Variants in MTFMT observed in about 807,000 individuals in gnomAD.
MTFMT encodes mitochondrial methionyl-tRNA formyltransferase, also known as methionyl-tRNA formyltransferase, mitochondrial.
In MTFMT, 47 loss-of-function variants were observed where a neutral mutation model predicts 51.8. The ratio of observed to expected loss-of-function variants is 0.91; its 90% CI spans 0.72 to 1.16. The LOEUF (loss-of-function observed/expected upper bound fraction) is 1.16. Ranked by LOEUF, MTFMT falls within the 50% of genes most tolerant of loss-of-function variation. MTFMT has a pLI of 0.00. For missense variants in MTFMT, 512 were observed against 482.3 expected (o/e 1.06, Z -0.58); for synonymous variants, 196 against 176.7 (o/e 1.11, Z -0.87).
intron 3 of MTFMT, among the ~76,000 whole-genome samples, chr15:65,022,291 A>G (rs1464644773): frequency 2.0e-5 from 3 of 152,042 alleles, no homozygotes; most frequent in Non-Finnish European, 4.4e-5. Flanking sequence ...ATCTCTACTA[A>G]AAATACAAAA....
At position 65,023,795 on chromosome 15, in the gene MTFMT, C is replaced by A. The variant is rs1210482568; in HGVS notation, c.420-1G>T. ...ACTGGGATGAACATTCAATATGCCA[C>A]TGAGTTAGAAAATGTAGAAATTAGT... On this transcript the variant is annotated splice_acceptor_variant, in intron 2 of 8. Coordinates refer to ENST00000220058, the MANE Select transcript of MTFMT (RefSeq NM_139242.4). LOFTEE classifies it high-confidence loss of function. 6.2e-7 allele frequency: 1 copy of A among 1,610,138 alleles called. No homozygotes were observed. The highest frequency in any genetic ancestry group is 8.5e-7 in the Non-Finnish European group (1 of 1,177,732).
Position 65,016,643 on chromosome 15 carries a change from T to A in MTFMT, c.722-116A>T, listed in dbSNP as rs12912782. ...TTCATTCTAACCTCTCAACTTTTCT[T>A]TATGTTCAAAATTTTCCATATATCA... On this transcript the variant is annotated intron_variant, in intron 5 of 8. Coordinates refer to ENST00000220058, the MANE Select transcript of MTFMT (RefSeq NM_139242.4). 234,532 of 512,158 alleles carry A rather than the reference T, an allele frequency of 0.46. 57,228 individuals carry two copies. Among genetic ancestry groups the A allele is most frequent in the South Asian group, 0.65 (14,440 of 22,204 alleles). 31.7% of individuals were successfully genotyped at this position (512,158 alleles called of 1,614,324 possible).
chr15:65,027,645 T>C (rs2086437474), intron 1 of MTFMT, among the ~76,000 whole-genome samples: 1 of 152,246 alleles, frequency 6.6e-6, no homozygotes, highest in Admixed American at 6.5e-5. Context: ...AACTGGGATA[T>C]TACATACTGC....
At position 65,002,038 on chromosome 15, in the gene MTFMT, C is replaced by G. The variant is rs72744620; in HGVS notation, c.*1024G>C. ...TTATAGGAAATAAAAAATGCAGATT[C>G]AATACTCCTAAAATGTCAGTGGTGA... On this transcript the variant is annotated 3_prime_UTR_variant, in exon 9 of 9. Transcript: ENST00000220058. 1 of 151,972 alleles carries G rather than the reference C, an allele frequency of 6.6e-6. No individual in the cohort carries two copies. Among genetic ancestry groups the G allele is most frequent in the Non-Finnish European group, 1.5e-5 (1 of 68,014 alleles). The allele number at this position is 151,972 out of a possible 1,614,324, so 9.4% of individuals were successfully genotyped here.
At chr15:65,026,582 T>C (rs2086426300) in intron 2 of MTFMT, 2 of 436,834 alleles carry the variant, frequency 4.6e-6, no homozygotes, top group Admixed American at 3.8e-5. Context: ...CCTATTGTGT[T>C]CCAGACTGTG....
chr15:65,025,790 T>C (rs776864969), intron 2 of MTFMT, among the ~76,000 whole-genome samples: 1 of 152,082 alleles, frequency 6.6e-6, no homozygotes, highest in Non-Finnish European at 1.5e-5. Flanking sequence ...GGACTAGAGT[T>C]TGGGGACCGA....
At chr15:65,027,157 T>C (rs2086432520) in intron 1 of MTFMT, 117 bp from the exon 2 acceptor site, 1 of 734,472 alleles carries the variant, frequency 1.4e-6, no homozygotes, top group Non-Finnish European at 2.3e-6. Flanking sequence ...TAGGGCTAAA[T>C]GATTAAAACT....
Position 65,003,226 on chromosome 15 carries a change from G to C in MTFMT, c.1006C>G (p.Leu336Val). Reference protein sequence around the residue: ...DGWIGVRSVMLKKSLTATDFY... With the variant: ...DGWIGVRSVMVKKSLTATDFY... ...TCAGTAGCTGTTAGTGATTTCTTGA[G>C]CATCACTGATCGAACACCAATCCAA... The change falls in exon 9 of 9, where the codon CTC becomes GTC. Residue 336 changes from leucine to valine, a missense_variant. Coordinates refer to ENST00000220058, the MANE Select transcript of MTFMT (RefSeq NM_139242.4). The C allele has an allele frequency of 6.2e-7, 1 of 1,613,366 alleles. No homozygotes were observed. The highest frequency in any genetic ancestry group is 8.5e-7 in the Non-Finnish European group (1 of 1,179,566).
chr15:65,028,988 G>C (rs1195984518), intron 1 of MTFMT, among the ~76,000 whole-genome samples: 1 of 152,162 alleles, frequency 6.6e-6, no homozygotes, highest in Non-Finnish European at 1.5e-5. Flanking sequence ...AGGGAACTTT[G>C]AAGTGGGACC....
At chr15:65,020,644 C>T (rs1207919567) in intron 4 of MTFMT, among the ~76,000 whole-genome samples, 1 of 152,164 alleles carries the variant, frequency 6.6e-6, no homozygotes, top group Non-Finnish European at 1.5e-5. Flanking sequence ...GGGGCCAAGG[C>T]AGTGAAACCT....
At chr15:65,007,668 T>A (rs8035428) in intron 6 of MTFMT, among the ~76,000 whole-genome samples, 2 of 151,998 alleles carry the variant, frequency 1.3e-5, no homozygotes, top group East Asian at 1.9e-4. Flanking sequence ...AATATGATAA[T>A]CTCTTGCTGT....
chr15:65,003,047 C>A lies in MTFMT; in HGVS notation c.*15G>T. The A allele has an allele frequency of 7.1e-7, 1 of 1,406,084 alleles. No individual in the cohort carries two copies. The highest frequency in any genetic ancestry group is 9.4e-7 in the Non-Finnish European group (1 of 1,060,776). The allele number at this position is 1,406,084 out of a possible 1,614,324, so 87.1% of individuals were successfully genotyped here. ...TTACAAATATGTAATAGGTTTTTAT[C>A]CATCTTCTTCCTAACTACTCAATGC... is the stretch of plus-strand genomic sequence containing the variant. On this transcript the variant is annotated 3_prime_UTR_variant, in exon 9 of 9. Coordinates refer to ENST00000220058, the MANE Select transcript of MTFMT (RefSeq NM_139242.4).
rs115188225 is a variant in MTFMT, at chr15:65,014,975, C to T, written c.813+1461G>A. Among the ~76,000 whole-genome samples the T allele has an allele frequency of 2.7e-3, 407 of 151,040 alleles. 3 individuals are homozygous for T. The highest frequency in any genetic ancestry group is 8.4e-3 in the African/African-American group (344 of 41,038). On this transcript the variant is annotated intron_variant, in intron 6 of 8. Coordinates refer to ENST00000220058, the MANE Select transcript of MTFMT (RefSeq NM_139242.4). Reference sequence around the variant, plus strand: ...TTTGCTTACTTGTTGTCTGTCCTCCCACAACACCTGTTTCTATAGTACCTA... The same window carrying T: ...TTTGCTTACTTGTTGTCTGTCCTCCTACAACACCTGTTTCTATAGTACCTA...
chr15:65,021,341 C>A (rs1167271735), intron 4 of MTFMT, among the ~76,000 whole-genome samples, 173 bp downstream of exon 4: 1 of 152,192 alleles, frequency 6.6e-6, no homozygotes, highest in Non-Finnish European at 1.5e-5. Flanking sequence ...TGTAAATTCT[C>A]AAAGATTTAC....
At chr15:65,009,632 C>T (rs1314508301) in intron 6 of MTFMT, among the ~76,000 whole-genome samples, 5 of 151,990 alleles carry the variant, frequency 3.3e-5, no homozygotes, top group African/African-American at 7.2e-5. Context: ...TGGCTACAGT[C>T]GCAGCAGCTT....
rs376013734 is a variant in MTFMT, at chr15:65,013,202, A to C, written c.813+3234T>G. Among the ~76,000 whole-genome samples, 7 of 152,174 alleles carry C rather than the reference A, an allele frequency of 4.6e-5. No individual in the cohort carries two copies. In the East Asian group the frequency reaches 7.7e-4, roughly 17 times the overall value. ...GAACAAAGTTGAATAGAAGACATTTAACTTTGAGAGCGCAGACATCTTTAT... is the reference window on the plus strand; with the variant it reads ...GAACAAAGTTGAATAGAAGACATTTCACTTTGAGAGCGCAGACATCTTTAT... On this transcript the variant is annotated intron_variant, in intron 6 of 8. Coordinates refer to ENST00000220058, the MANE Select transcript of MTFMT (RefSeq NM_139242.4).
At chr15:65,014,136 T>C (rs890713188) in intron 6 of MTFMT, among the ~76,000 whole-genome samples, 4 of 152,098 alleles carry the variant, frequency 2.6e-5, no homozygotes, top group African/African-American at 7.2e-5. Flanking sequence ...TTGGGTTTTG[T>C]ACTAGCTGTT....
intron 8 of MTFMT, among the ~76,000 whole-genome samples, chr15:65,004,109 C>T (rs572275841): frequency 2.8e-3 from 423 of 151,978 alleles, no homozygotes; most frequent in African/African-American, 9.6e-3. Flanking sequence ...CTCCGCTTCC[C>T]GGGCTCAAGC....
intron 3 of MTFMT, among the ~76,000 whole-genome samples, chr15:65,022,315 T>C (rs1335100568): frequency 1.3e-5 from 2 of 152,080 alleles, no homozygotes; most frequent in Non-Finnish European, 2.9e-5. Context: ...TAGCCGGGCA[T>C]GGTAGCGTGT....
Sources: allele counts gnomAD v4.1 joint callset (sites outside exome capture counted in the v4.1 genomes callset), GRCh38; gene constraint gnomAD v4.1.1; transcripts MANE v1.5; gene names NCBI Gene and HGNC (gene_info 2026-07-23, HGNC 2026-07-21).